RFWD3: variants seen among roughly 807,000 people sequenced by gnomAD.
RFWD3 encodes E3 ubiquitin-protein ligase RFWD3.
RFWD3 carries 65 observed loss-of-function variants against 87.7 expected under a neutral mutation model. The ratio of observed to expected loss-of-function variants is 0.74; its 90% CI spans 0.61 to 0.91. RFWD3 has a LOEUF of 0.91. RFWD3 is among the 40% of genes least tolerant of loss of function. RFWD3 has a pLI of 0.00. For synonymous variants in RFWD3, 433 were observed against 352.8 expected, an observed-to-expected ratio of 1.23 and a Z score of -2.55; for missense variants, 1,078 against 938.5, an observed-to-expected ratio of 1.15 and a Z score of -1.94.
At chr16:74,625,379 G>C (rs571133679) in intron 12 of RFWD3, among the ~76,000 whole-genome samples, 1 of 151,146 alleles carries the variant, frequency 6.6e-6, no homozygotes, top group South Asian at 2.1e-4. Flanking sequence ...AAATTAGCCG[G>C]GTATGGTTGG....
chr16:74,653,034 G>GAC (rs148112381), intron 2 of RFWD3, among the ~76,000 whole-genome samples: 104 of 151,866 alleles, frequency 6.8e-4, no homozygotes, highest in African/African-American at 2.3e-3. Context: ...AGGATCTAGG[G>GAC]ACACACACAC....
Position 74,632,549 on chromosome 16 carries a change from G to T in RFWD3, c.1551C>A (p.Ser517=), listed in dbSNP as rs767869165. 1.7e-5 allele frequency: 28 copies of T among 1,613,872 alleles called. No individual in the cohort carries two copies. The highest frequency in any genetic ancestry group is 2.0e-5 in the Non-Finnish European group (24 of 1,179,916). Residue 517 remains serine, a synonymous_variant, in exon 9 of 13, where the codon TCC becomes TCA. Coordinates refer to ENST00000361070, the MANE Select transcript of RFWD3 (RefSeq NM_018124.4). ...TGGTCAGTTTAATAGTGTTGTCTAG[G>T]GAAGCAGAGAGTAGCAAGCCTCTGA... The part of the protein sequence containing the change: ...SYLRGLLLSA[S]LDNTIKLTSL...
intron 12 of RFWD3, among the ~76,000 whole-genome samples, chr16:74,625,611 GT>G (rs1958910961): frequency 6.6e-6 from 1 of 151,700 alleles, no homozygotes; most frequent in Non-Finnish European, 1.5e-5. Flanking sequence ...CAGATCAGCT[GT>G]CTTATAGAAC....
chr16:74,644,788 G>T, intron 4 of RFWD3, 53 bp from the exon 5 acceptor site: 1 of 1,536,172 alleles, frequency 6.5e-7, no homozygotes, highest in Non-Finnish European at 8.8e-7. Flanking sequence ...AATCAATCTT[G>T]AAGAAGATGT....
intron 10 of RFWD3, 112 bp downstream of exon 10, chr16:74,630,669 A>T (rs1959065711): frequency 1.1e-6 from 1 of 904,474 alleles, no homozygotes; most frequent in Non-Finnish European, 1.6e-6. Context: ...ATCTTCAAAA[A>T]ATTTGTGAGG....
chr16:74,625,862 G>C (rs1958916851), intron 12 of RFWD3, among the ~76,000 whole-genome samples: 1 of 152,170 alleles, frequency 6.6e-6, no homozygotes, highest in Non-Finnish European at 1.5e-5. Flanking sequence ...ACTGGACAGT[G>C]CTACTCTAGG....
chr16:74,633,894 G>T (rs1019542916), intron 8 of RFWD3, among the ~76,000 whole-genome samples: 6 of 151,662 alleles, frequency 4.0e-5, no homozygotes, highest in African/African-American at 1.2e-4. Flanking sequence ...AGGTTGTAAT[G>T]AGCTGAGATC....
chr16:74,634,817 G>C (rs1044069732), intron 8 of RFWD3, among the ~76,000 whole-genome samples: 1 of 151,532 alleles, frequency 6.6e-6, no homozygotes, highest in Admixed American at 6.6e-5. Flanking sequence ...GAAAAAAAAA[G>C]GGGGGAAGGG....
Position 74,644,743 on chromosome 16 carries a change from G to C in RFWD3, c.793-8C>G. 6.2e-7 allele frequency: 1 copy of C among 1,603,316 alleles called. No homozygotes were observed. Among genetic ancestry groups the C allele is most frequent in the Non-Finnish European group, 8.5e-7 (1 of 1,172,198 alleles). On this transcript the variant is annotated splice_polypyrimidine_tract_variant and splice_region_variant and intron_variant, in intron 4 of 12. Transcript: ENST00000361070. ...AGACTTCTGGGGAGATGGCTAGATG[G>C]AAAGCAGAATATATTCAAATTAGAG...
chr16:74,651,698 G>C (rs1237105380), intron 3 of RFWD3, among the ~76,000 whole-genome samples: 1 of 152,158 alleles, frequency 6.6e-6, no homozygotes, highest in African/African-American at 2.4e-5. Flanking sequence ...CCACTACAAA[G>C]TGACTAACTC....
chr16:74,657,153 G>A (rs1324436760), intron 2 of RFWD3, among the ~76,000 whole-genome samples: 1 of 152,152 alleles, frequency 6.6e-6, no homozygotes, highest in East Asian at 1.9e-4. Context: ...ATAATTCTCT[G>A]GGAATGAGGC....
At position 74,654,171 on chromosome 16, in the gene RFWD3, T is replaced by C. The variant is rs74691006; in HGVS notation, c.519-2049A>G. On this transcript the variant is annotated intron_variant, in intron 2 of 12. Transcript: ENST00000361070. ...CTATTTGGTAGTCATGTCCTCTCTTTCATTCTTCATTTTAGTATTTTGAGT... is the reference window on the plus strand; with the variant it reads ...CTATTTGGTAGTCATGTCCTCTCTTCCATTCTTCATTTTAGTATTTTGAGT... Among the ~76,000 whole-genome samples the C allele has an allele frequency of 3.5e-3, 537 of 152,282 alleles. 4 individuals are homozygous for C. Among genetic ancestry groups the C allele is most frequent in the African/African-American group, 0.012 (517 of 41,548 alleles).
chr16:74,635,650 T>A (rs2144110396), intron 8 of RFWD3, among the ~76,000 whole-genome samples: 1 of 152,348 alleles, frequency 6.6e-6, no homozygotes, highest in Admixed American at 6.5e-5. Context: ...TCCAATTTGT[T>A]GGTTTTATTT....
chr16:74,645,695 G>A (rs1960065185), intron 4 of RFWD3, among the ~76,000 whole-genome samples: 1 of 146,594 alleles, frequency 6.8e-6, no homozygotes, highest in African/African-American at 2.5e-5. Context: ...CATGTGGTCT[G>A]TCATAGACTG....
chr16:74,633,209 G>A (rs551935926), intron 8 of RFWD3, among the ~76,000 whole-genome samples: 170 of 151,066 alleles, frequency 1.1e-3, no homozygotes, highest in African/African-American at 3.4e-3. Flanking sequence ...CCCAGGAGGC[G>A]GAGGTTGTAG....
At chr16:74,663,263 A>C (rs1961606204) in intron 1 of RFWD3, among the ~76,000 whole-genome samples, 1 of 152,238 alleles carries the variant, frequency 6.6e-6, no homozygotes, top group Non-Finnish European at 1.5e-5. Context: ...ACAGAATGAC[A>C]GAAGAGGGCT....
intron 4 of RFWD3, among the ~76,000 whole-genome samples, chr16:74,647,299 T>A (rs1960225843): frequency 6.6e-6 from 1 of 152,148 alleles, no homozygotes; most frequent in African/African-American, 2.4e-5. Context: ...ATTTTTATTT[T>A]TTTTTTGACA....
chr16:74,644,714 G>T lies in RFWD3; in HGVS notation c.814C>A (p.Pro272Thr). Residue 272 changes from proline (P) to threonine (T), a missense_variant, in exon 5 of 13, where the codon CCT becomes ACT. Transcript: ENST00000361070. ...PKQPSPQKSE[P>T]LLPSASMDEE... ...TCCATAGAAGCAGAAGGTAGCAGAG[G>T]CTCAGACTTCTGGGGAGATGGCTAG... is the stretch of plus-strand genomic sequence containing the variant. 1 of 1,613,970 alleles carries T rather than the reference G, an allele frequency of 6.2e-7. No homozygotes were observed. Among genetic ancestry groups the T allele is most frequent in the Non-Finnish European group, 8.5e-7 (1 of 1,179,884 alleles).
At chr16:74,660,235 G>T (rs556544631) in intron 2 of RFWD3, among the ~76,000 whole-genome samples, 1 of 152,016 alleles carries the variant, frequency 6.6e-6, no homozygotes, top group Non-Finnish European at 1.5e-5. Context: ...GCACCACTGC[G>T]CTCCAGCCTG....
Sources: gnomAD v4.1 joint callset for allele counts (sites outside exome capture counted in the v4.1 genomes callset) on GRCh38, gnomAD v4.1.1 for gene constraint, MANE v1.5 for transcripts, NCBI Gene and HGNC (gene_info 2026-07-23, HGNC 2026-07-21) for gene names.